Variants in XIRP2 observed in about 807,000 individuals in gnomAD.
The protein encoded by XIRP2 is xin actin-binding repeat-containing protein 2.
Under a neutral mutation model 277.0 loss-of-function variants are expected in XIRP2, and 236 were observed. The ratio of observed to expected loss-of-function variants is 0.85; its 90% CI spans 0.77 to 0.95. The LOEUF (loss-of-function observed/expected upper bound fraction) is 0.95. XIRP2 is among the 40% of genes least tolerant of loss of function. XIRP2 has a pLI of 0.00. For synonymous variants in XIRP2, 1,490 were observed against 1,416.5 expected (o/e 1.05, Z -1.17); for missense variants, 4,640 against 4,157.5 (o/e 1.12, Z -3.19).
intron 2 of XIRP2, among the ~76,000 whole-genome samples, chr2:167,097,544 C>T (rs182978950): frequency 2.0e-3 from 299 of 152,214 alleles, no homozygotes; most frequent in Non-Finnish European, 2.7e-3. Flanking sequence ...GGGCATTTAA[C>T]CCATTTACAC....
At chr2:166,947,634 G>A (rs930195433) in intron 2 of XIRP2, among the ~76,000 whole-genome samples, 8 of 151,998 alleles carry the variant, frequency 5.3e-5, no homozygotes, top group Admixed American at 4.6e-4. Context: ...GTGAGAAATA[G>A]GACCTTTCAT....
chr2:167,247,592 A>C lies in XIRP2; in HGVS notation c.6200A>C (p.Asp2067Ala). 6.2e-7 allele frequency: 1 copy of C among 1,613,716 alleles called. No homozygotes were observed. Among genetic ancestry groups the C allele is most frequent in the South Asian group, 1.1e-5 (1 of 91,072 alleles). The change falls in exon 9 of 11, where the codon GAT (aspartate) becomes GCT (alanine). Residue 2067 changes from aspartate (D) to alanine (A), a missense_variant. Physicochemically the swap from Asp to Ala is moderately radical, Grantham distance 126 (BLOSUM62 -2). Coordinates refer to ENST00000409195, the MANE Select transcript of XIRP2 (RefSeq NM_152381.6). ...GGAGACAAAACGGGTGTCTGGACTG[A>C]TACTACAGGAGAACAGCATCTTAGA... ...ESGDKTGVWT[D>A]TTGEQHLRDE...
chr2:166,950,996 G>C (rs376186760), intron 2 of XIRP2, among the ~76,000 whole-genome samples: 1 of 151,710 alleles, frequency 6.6e-6, no homozygotes, highest in South Asian at 2.1e-4. Flanking sequence ...GAGTATTTGG[G>C]ATCAAATAAA....
At chr2:167,066,486 A>G (rs773573523) in intron 2 of XIRP2, among the ~76,000 whole-genome samples, 58 of 152,182 alleles carry the variant, frequency 3.8e-4, no homozygotes, top group Non-Finnish European at 1.2e-4. Flanking sequence ...GTTTGCAAGG[A>G]TGTATAGAAA....
intron 2 of XIRP2, among the ~76,000 whole-genome samples, chr2:167,112,900 C>T (rs1690800664): frequency 6.6e-6 from 1 of 152,128 alleles, no homozygotes; most frequent in Non-Finnish European, 1.5e-5. Flanking sequence ...ATTGATCTGC[C>T]TGCCTCAGTC....
intron 2 of XIRP2, among the ~76,000 whole-genome samples, chr2:166,985,767 G>C (rs1198547103): frequency 6.6e-6 from 1 of 151,824 alleles, no homozygotes; most frequent in Non-Finnish European, 1.5e-5. Flanking sequence ...GTGTTGGTCT[G>C]GGTGTGAAGT....
chr2:166,914,310 C>G (rs1684799284), intron 2 of XIRP2, among the ~76,000 whole-genome samples: 1 of 152,030 alleles, frequency 6.6e-6, no homozygotes, highest in Non-Finnish European at 1.5e-5. Flanking sequence ...TTCTGGAACT[C>G]TAAGATAATA....
chr2:167,093,274 T>TTATATA (rs143899442), intron 2 of XIRP2, among the ~76,000 whole-genome samples: 2 of 150,404 alleles, frequency 1.3e-5, no homozygotes, highest in African/African-American at 2.4e-5. Flanking sequence ...GTATGTTTGA[T>TTATATA]TATATATATA....
chr2:167,042,548 G>C (rs1688685680), intron 2 of XIRP2, among the ~76,000 whole-genome samples: 1 of 151,978 alleles, frequency 6.6e-6, no homozygotes, highest in Non-Finnish European at 1.5e-5. Context: ...AAATGAACAG[G>C]GGTTGCCATT....
chr2:167,179,997 A>G lies in XIRP2; in HGVS notation c.563-30738A>G, dbSNP rs376502966. ...ATGCCTCTATATTCTTCATACATAA[A>G]TAACAGAAAGTTGTCTACAAATAGA... On this transcript the variant is annotated intron_variant, in intron 3 of 10. Coordinates refer to ENST00000409195, the MANE Select transcript of XIRP2 (RefSeq NM_152381.6). Among the ~76,000 whole-genome samples, 9 of 152,346 alleles carry G rather than the reference A, an allele frequency of 5.9e-5. No homozygotes were observed. In the East Asian group the frequency reaches 1.7e-3, roughly 29 times the overall value.
intron 2 of XIRP2, among the ~76,000 whole-genome samples, chr2:167,048,993 C>T (rs16852883): frequency 0.28 from 42,994 of 151,648 alleles, 6,953 homozygotes; most frequent in African/African-American, 0.44. Flanking sequence ...CTTTCAGCCT[C>T]TTAGCTCCTC....
Position 167,214,297 on chromosome 2 carries a change from G to GAGGA in XIRP2, c.723+3429_723+3432dup, listed in dbSNP as rs559361394. On this transcript the variant is annotated intron_variant, in intron 4 of 10. Transcript: ENST00000409195. ...AAAGAGAGGGAGGGAGGGAGGGAGG[G>GAGGA]AGGAAGGAAGGAAGGAAGGAAGGAA... Among the ~76,000 whole-genome samples, 311 of 87,212 alleles carry GAGGA rather than the reference G, an allele frequency of 3.6e-3. 11 individuals are homozygous for GAGGA. Among genetic ancestry groups the GAGGA allele is most frequent in the East Asian group, 0.015 (34 of 2,268 alleles). The allele number at this position is 87,212 out of a possible 152,430, so 57.2% of individuals were successfully genotyped here.
At chr2:166,947,522 C>T (rs1189870854) in intron 2 of XIRP2, among the ~76,000 whole-genome samples, 1 of 152,000 alleles carries the variant, frequency 6.6e-6, no homozygotes, top group Non-Finnish European at 1.5e-5. Context: ...TAATATTTTC[C>T]CATATTATTT....
At chr2:167,052,231 T>C (rs1407105073) in intron 2 of XIRP2, among the ~76,000 whole-genome samples, 1 of 152,022 alleles carries the variant, frequency 6.6e-6, no homozygotes, top group Non-Finnish European at 1.5e-5. Flanking sequence ...ACTAAGAAAA[T>C]GCAAGCCCAA....
chr2:167,080,509 G>GGAGCCTTA (rs1436860304), intron 2 of XIRP2, among the ~76,000 whole-genome samples: 2 of 152,116 alleles, frequency 1.3e-5, no homozygotes, highest in Non-Finnish European at 2.9e-5. Context: ...CAGAAGAAAA[G>GGAGCCTTA]GAGCCTTAGT....
chr2:167,014,748 A>G (rs1377382208), intron 2 of XIRP2, among the ~76,000 whole-genome samples: 1 of 151,860 alleles, frequency 6.6e-6, no homozygotes, highest in Non-Finnish European at 1.5e-5. Context: ...GATAGCTAAC[A>G]TTCATTAGCT....
intron 1 of XIRP2, among the ~76,000 whole-genome samples, chr2:166,890,099 G>A (rs540308168): frequency 1.1e-4 from 17 of 151,784 alleles, no homozygotes; most frequent in East Asian, 3.9e-4. Flanking sequence ...AGGTTCAAGC[G>A]ATTCTCCTGC....
In XIRP2 at chr2:167,245,510, C is replaced by T; in HGVS notation, c.4118C>T (p.Ser1373Phe). Residue 1373 changes from serine to phenylalanine, a missense_variant, in exon 9 of 11, where the codon TCT (serine) becomes TTT (phenylalanine). Ser to Phe is a radical substitution (Grantham distance 155). Transcript: ENST00000409195. ...NKSETVYVIK[S>F]VTQEDIQKGD... The stretch of plus-strand genomic sequence containing the variant: ...TCAGAAACTGTGTATGTTATTAAAT[C>T]TGTCACACAAGAAGACATTCAGAAG... 1 of 1,613,516 alleles carries T rather than the reference C, an allele frequency of 6.2e-7. No individual in the cohort carries two copies. Among genetic ancestry groups the T allele is most frequent in the East Asian group, 2.2e-5 (1 of 44,838 alleles).
chr2:167,195,993 C>T (rs1425392100), intron 3 of XIRP2, among the ~76,000 whole-genome samples: 1 of 152,090 alleles, frequency 6.6e-6, no homozygotes, highest in Non-Finnish European at 1.5e-5. Flanking sequence ...AAAACCAATT[C>T]AACATTTTCC....
Sources: allele counts gnomAD v4.1 joint callset (sites outside exome capture counted in the v4.1 genomes callset), GRCh38; gene constraint gnomAD v4.1.1; transcripts MANE v1.5; gene names NCBI Gene and HGNC (gene_info 2026-07-23, HGNC 2026-07-21).